Variants in STX2 observed in about 807,000 individuals in gnomAD.
STX2 encodes syntaxin-2.
STX2 carries 27 observed loss-of-function variants against 40.6 expected under a neutral mutation model. The observed-to-expected ratio is 0.66, with a 90% CI of 0.49 to 0.92. The LOEUF (loss-of-function observed/expected upper bound fraction) is 0.92. Ranked by LOEUF, STX2 falls within the 40% of genes least tolerant of loss-of-function variation. The pLI is 0.00. For missense variants in STX2, 328 were observed against 366.1 expected (o/e 0.90, Z 0.85); for synonymous variants, 123 against 119.1 (o/e 1.03, Z -0.22).
intron 2 of STX2, among the ~76,000 whole-genome samples, chr12:130,823,187 C>CTGCA (rs1341707703): frequency 6.6e-6 from 1 of 152,140 alleles, no homozygotes; most frequent in Non-Finnish European, 1.5e-5. Context: ...TGGTGCATGC[C>CTGCA]TGCAGTCCCA....
chr12:130,837,467 A>G (rs1414913106), intron 1 of STX2, among the ~76,000 whole-genome samples: 1 of 152,178 alleles, frequency 6.6e-6, no homozygotes, highest in Non-Finnish European at 1.5e-5. Context: ...CTATTTTAGT[A>G]GAAACGGGGT....
intron 1 of STX2, among the ~76,000 whole-genome samples, chr12:130,836,604 C>CA (rs2136373230): frequency 6.6e-6 from 1 of 152,222 alleles, no homozygotes; most frequent in Non-Finnish European, 1.5e-5. Context: ...TCCCTAAAAA[C>CA]AAAAAATCTG....
intron 2 of STX2, 28 bp from the exon 3 acceptor site, chr12:130,821,816 A>G (rs757399244): frequency 4.1e-6 from 6 of 1,471,094 alleles, no homozygotes; most frequent in Non-Finnish European, 5.7e-6. Flanking sequence ...TCATTACAGC[A>G]TGGCAAACTC....
At chr12:130,819,111 G>T (rs945253678) in intron 3 of STX2, among the ~76,000 whole-genome samples, 1 of 152,114 alleles carries the variant, frequency 6.6e-6, no homozygotes. Context: ...GCGGTGCTGG[G>T]ACCGGGGACC....
intron 1 of STX2, among the ~76,000 whole-genome samples, chr12:130,835,988 A>C (rs1952744872): frequency 1.3e-5 from 2 of 152,254 alleles, no homozygotes; most frequent in Non-Finnish European, 2.9e-5. Context: ...TCATGGAAGC[A>C]TCACAAATAC....
At chr12:130,830,888 C>T (rs982020455) in intron 1 of STX2, among the ~76,000 whole-genome samples, 2 of 152,178 alleles carry the variant, frequency 1.3e-5, no homozygotes, top group Non-Finnish European at 2.9e-5. Flanking sequence ...CCAGGGAATA[C>T]TCTCTATATG....
chr12:130,813,633 G>A (rs938233408), intron 3 of STX2, among the ~76,000 whole-genome samples: 2 of 152,194 alleles, frequency 1.3e-5, no homozygotes, highest in Non-Finnish European at 2.9e-5. Flanking sequence ...AGCAGAGCAG[G>A]AGCTGACACT....
chr12:130,818,188 ATATATATATATATAT>A (rs1951955972), intron 3 of STX2, among the ~76,000 whole-genome samples: 3 of 66,240 alleles, frequency 4.5e-5, no homozygotes, highest in East Asian at 5.6e-4. Context: ...AAAAAAAAAT[ATATATATATATATAT>A]ATATATATAT....
chr12:130,793,576 G>A (rs1950941277), intron 10 of STX2, among the ~76,000 whole-genome samples: 1 of 152,218 alleles, frequency 6.6e-6, no homozygotes, highest in African/African-American at 2.4e-5. Flanking sequence ...ATGGAGTCTA[G>A]GGTACAGGAC....
chr12:130,798,879 T>G (rs1566513993), intron 8 of STX2, among the ~76,000 whole-genome samples: 1 of 152,230 alleles, frequency 6.6e-6, no homozygotes, highest in Non-Finnish European at 1.5e-5. Flanking sequence ...TGTTGATAAT[T>G]AAAGGCACCT....
intron 5 of STX2, among the ~76,000 whole-genome samples, chr12:130,807,300 G>A (rs187337839): frequency 6.6e-5 from 10 of 152,326 alleles, no homozygotes; most frequent in Admixed American, 3.3e-4. Context: ...CTACTATGCC[G>A]GTCACAACCC....
intron 1 of STX2, 21 bp from the exon 2 acceptor site, chr12:130,827,288 TTC>T: frequency 6.2e-7 from 1 of 1,606,840 alleles, no homozygotes; most frequent in Non-Finnish European, 8.5e-7. Flanking sequence ...AAATGGAAAA[TTC>T]AGTTTTTTAA....
chr12:130,814,796 C>T lies in STX2; in HGVS notation c.206-1765G>A, dbSNP rs549485113. ...GGATTACAGGCCTCCGCCACCACAC[C>T]CAGCTAATTTTTGTATTTTTAGTAG... is the stretch of plus-strand genomic sequence containing the variant. On this transcript the variant is annotated intron_variant, in intron 3 of 10. Coordinates refer to ENST00000392373, the MANE Select transcript of STX2 (RefSeq NM_194356.4). 2.6e-5 allele frequency among the ~76,000 whole-genome samples: 4 copies of T among 152,186 alleles called. 1 individual carries two copies. The South Asian group carries it at 8.3e-4, about 32-fold the overall frequency.
chr12:130,829,586 G>A (rs187220213), intron 1 of STX2, among the ~76,000 whole-genome samples: 52 of 152,288 alleles, frequency 3.4e-4, no homozygotes, highest in African/African-American at 1.2e-3. Flanking sequence ...CTTAGAAAGA[G>A]GATCTACTCC....
intron 10 of STX2, 146 bp downstream of exon 10, chr12:130,795,849 A>T: frequency 1.0e-6 from 1 of 998,224 alleles, no homozygotes; most frequent in Non-Finnish European, 1.4e-6. Context: ...TCGAATCAGC[A>T]CACAGGCAGA....
At chr12:130,822,607 C>T (rs1259969014) in intron 2 of STX2, among the ~76,000 whole-genome samples, 2 of 152,102 alleles carry the variant, frequency 1.3e-5, no homozygotes, top group African/African-American at 2.4e-5. Flanking sequence ...AAAACCTCTA[C>T]GGCAGGCTGA....
intron 1 of STX2, among the ~76,000 whole-genome samples, chr12:130,829,600 G>A (rs906548738): frequency 5.9e-5 from 9 of 152,142 alleles, no homozygotes; most frequent in African/African-American, 2.2e-4. Context: ...CTACTCCCCT[G>A]TGCGTGCCAG....
chr12:130,794,283 T>C (rs996483975), intron 10 of STX2, among the ~76,000 whole-genome samples: 1 of 152,180 alleles, frequency 6.6e-6, no homozygotes, highest in African/African-American at 2.4e-5. Flanking sequence ...TCTTGCCTAA[T>C]AAACATCCTA....
Position 130,806,994 on chromosome 12 carries a change from G to C in STX2, c.451C>G (p.Gln151Glu), listed in dbSNP as rs775338561. ...RERSKGRIQR[Q>E]LEITGRTTTD... is the part of the protein sequence containing the mutation. ...CTCCATTACTCACTTATCTCCAGCTGGCGCTGGATGCGGCCTTTGCTCCGC... is the reference window on the plus strand; with the variant it reads ...CTCCATTACTCACTTATCTCCAGCTCGCGCTGGATGCGGCCTTTGCTCCGC... The change falls in exon 6 of 11, where the codon CAG becomes GAG. Residue 151 changes from glutamine (Q) to glutamate (E), a missense_variant. Gln to Glu is a conservative substitution (Grantham distance 29). Transcript: ENST00000392373. The C allele has an allele frequency of 6.2e-7, 1 of 1,613,646 alleles. No individual in the cohort carries two copies. Among genetic ancestry groups the C allele is most frequent in the South Asian group, 1.1e-5 (1 of 91,072 alleles).
Sources: gnomAD v4.1 joint callset for allele counts (sites outside exome capture counted in the v4.1 genomes callset) on GRCh38, gnomAD v4.1.1 for gene constraint, MANE v1.5 for transcripts, NCBI Gene and HGNC (gene_info 2026-07-23, HGNC 2026-07-21) for gene names.